Variants in FSCN1 observed in about 807,000 individuals in gnomAD.
The protein encoded by FSCN1 is fascin.
In FSCN1, 10 loss-of-function variants were observed where a neutral mutation model predicts 39.7. The ratio of observed to expected loss-of-function variants is 0.25; its 90% CI spans 0.16 to 0.43. The LOEUF is 0.43. Among genes scored for constraint, FSCN1 ranks in the 20% least tolerant of loss-of-function variants. The pLI, the probability that FSCN1 is intolerant of heterozygous loss-of-function variation, is 1.00. For missense variants in FSCN1, 525 were observed against 723.8 expected (o/e 0.73, Z 3.15); for synonymous variants, 322 against 320.0 (o/e 1.01, Z -0.07).
intron 4 of FSCN1, among the ~76,000 whole-genome samples, chr7:5,604,482 TTTG>T (rs1309867671): frequency 6.7e-6 from 1 of 148,928 alleles, no homozygotes; most frequent in Admixed American, 6.7e-5. Context: ...GGTTTTTTTG[TTTG>T]TTTTTTTGAG....
In FSCN1 at chr7:5,605,545, C is replaced by T. The variant is rs1785918811; in HGVS notation, c.*71C>T. Reference sequence around the variant, plus strand: ...CAACCCTCCCTGCTAACCCCTTCTCCGCCAGGTGGGCTCCAGGGCGGGAGG... The same window carrying T: ...CAACCCTCCCTGCTAACCCCTTCTCTGCCAGGTGGGCTCCAGGGCGGGAGG... On this transcript the variant is annotated 3_prime_UTR_variant, in exon 5 of 5. Coordinates refer to ENST00000382361, the MANE Select transcript of FSCN1 (RefSeq NM_003088.4). The surrounding 1 kb of genome is among the most constrained non-coding windows in gnomAD (Gnocchi z 6.9). The T allele has an allele frequency of 5.1e-6, 6 of 1,179,050 alleles. No homozygotes were observed. Among genetic ancestry groups the T allele is most frequent in the South Asian group, 3.1e-5 (2 of 65,096 alleles). 73.0% of individuals were successfully genotyped at this position (1,179,050 alleles called of 1,614,324 possible).
At position 5,605,055 on chromosome 7, in the gene FSCN1, G is replaced by T. The variant is rs150131269; in HGVS notation, c.1280-217G>T. Among the ~76,000 whole-genome samples, 3 of 152,212 alleles carry T rather than the reference G, an allele frequency of 2.0e-5. No homozygotes were observed. The highest frequency in any genetic ancestry group is 2.9e-5 in the Non-Finnish European group (2 of 68,044). ...CCCAAAGTGCTGGGATTACAGGCGT[G>T]AGCCACTGCGGCCGAGCAGAACACG... On this transcript the variant is annotated intron_variant, in intron 4 of 4. Coordinates refer to ENST00000382361, the MANE Select transcript of FSCN1 (RefSeq NM_003088.4). The surrounding 1 kb of genome is among the most constrained non-coding windows in gnomAD (Gnocchi z 6.9).
rs1209407951 is a variant in FSCN1, at chr7:5,599,370, G to T, written c.833-3887G>T. ...AAGAGGGCCACCCACCTCCGGTCCA[G>T]AGAGCCAGCCAGACCCTTACTTTCT... On this transcript the variant is annotated intron_variant, in intron 1 of 4. Transcript: ENST00000382361. This position sits in a 1 kb window ranked among gnomAD's most constrained non-coding sequence, Gnocchi z 5.6. 3.3e-5 allele frequency among the ~76,000 whole-genome samples: 5 copies of T among 152,208 alleles called. No individual in the cohort carries two copies. The highest frequency in any genetic ancestry group is 6.5e-5 in the Admixed American group (1 of 15,276).
intron 1 of FSCN1, among the ~76,000 whole-genome samples, chr7:5,601,465 AGT>A (rs1266614065): frequency 6.6e-6 from 1 of 152,022 alleles, no homozygotes; most frequent in African/African-American, 2.4e-5. Context: ...AGCTTCCCAA[AGT>A]GCTGGGATTA....
chr7:5,605,393 G>C lies in FSCN1; in HGVS notation c.1401G>C (p.Gly467=). ...DYNKVAIKVG[G]RYLKGDHAGV... is the part of the protein sequence containing the mutation. Reference sequence around the variant, plus strand: ...ACAAGGTGGCCATCAAGGTGGGCGGGCGCTACCTGAAGGGCGACCACGCAG... The same window carrying C: ...ACAAGGTGGCCATCAAGGTGGGCGGCCGCTACCTGAAGGGCGACCACGCAG... The change falls in exon 5 of 5, where the codon GGG becomes GGC. Residue 467 remains glycine, a synonymous_variant. Transcript: ENST00000382361. The surrounding 1 kb of genome is among the most constrained non-coding windows in gnomAD (Gnocchi z 6.9). 6.2e-7 allele frequency: 1 copy of C among 1,613,568 alleles called. No homozygotes were observed. The highest frequency in any genetic ancestry group is 8.5e-7 in the Non-Finnish European group (1 of 1,179,814).
intron 1 of FSCN1, among the ~76,000 whole-genome samples, chr7:5,595,598 G>T (rs1183827332): frequency 6.6e-6 from 1 of 152,198 alleles, no homozygotes. Flanking sequence ...TGAATAGAAG[G>T]TGGCAGGTAT....
intron 1 of FSCN1, among the ~76,000 whole-genome samples, chr7:5,594,297 C>T (rs1785689762): frequency 2.0e-5 from 3 of 151,822 alleles, no homozygotes; most frequent in East Asian, 1.9e-4. Context: ...CGCGCCTCCA[C>T]CTCCCCGTCT....
chr7:5,603,242 G>T lies in FSCN1; in HGVS notation c.833-15G>T. On this transcript the variant is annotated splice_polypyrimidine_tract_variant and intron_variant, in intron 1 of 4. Transcript: ENST00000382361. The surrounding 1 kb of genome is among the most constrained non-coding windows in gnomAD (Gnocchi z 8.5). ...CGTGGGGCCCCAGTACCAGCCCAAG[G>T]CCTCCTCTCTGCAGGTATGGACCTG... The T allele has an allele frequency of 6.2e-7, 1 of 1,611,292 alleles. No homozygotes were observed. The highest frequency in any genetic ancestry group is 8.5e-7 in the Non-Finnish European group (1 of 1,179,828).
chr7:5,604,211 C>T (rs1268606141), intron 4 of FSCN1, among the ~76,000 whole-genome samples, 181 bp downstream of exon 4: 3 of 152,076 alleles, frequency 2.0e-5, no homozygotes, highest in Admixed American at 1.3e-4. Context: ...CAGCCCCTTT[C>T]CCTCTTGTCT....
chr7:5,595,735 AC>A (rs1785718766), intron 1 of FSCN1, among the ~76,000 whole-genome samples: 2 of 152,024 alleles, frequency 1.3e-5, no homozygotes, highest in South Asian at 4.1e-4. Context: ...GGGCCACGGG[AC>A]CTTGGGTGAG....
chr7:5,603,831 G>T lies in FSCN1; in HGVS notation c.1112-32G>T. On this transcript the variant is annotated intron_variant, in intron 3 of 4. Transcript: ENST00000382361. The surrounding 1 kb of genome is among the most constrained non-coding windows in gnomAD (Gnocchi z 8.5). ...CAGCCTCCACCCCACTCCCTGCCAG[G>T]AGGCTCACTGACTCCCCTCTTTCTG... 1 of 1,604,038 alleles carries T rather than the reference G, an allele frequency of 6.2e-7. No homozygotes were observed. The highest frequency in any genetic ancestry group is 1.1e-5 in the South Asian group (1 of 90,474).
chr7:5,603,772 AC>A lies in FSCN1; in HGVS notation c.1112-87del. 1 of 1,491,578 alleles carries A rather than the reference AC, an allele frequency of 6.7e-7. No homozygotes were observed. Among genetic ancestry groups the A allele is most frequent in the African/African-American group, 1.4e-5 (1 of 72,428 alleles). The allele number at this position is 1,491,578 out of a possible 1,614,324, so 92.4% of individuals were successfully genotyped here. On this transcript the variant is annotated intron_variant, in intron 3 of 4. Transcript: ENST00000382361. The surrounding 1 kb of genome is among the most constrained non-coding windows in gnomAD (Gnocchi z 8.5). Reference sequence around the variant, plus strand: ...GTCCTACCCTGGGGACTGCTGTGTGACCCCAGCTCCTGGCCCTCCCTCTCTG... The same window carrying A: ...GTCCTACCCTGGGGACTGCTGTGTGACCCAGCTCCTGGCCCTCCCTCTCTG...
At chr7:5,597,772 C>T (rs1444514651) in intron 1 of FSCN1, among the ~76,000 whole-genome samples, 24 of 150,106 alleles carry the variant, frequency 1.6e-4, no homozygotes, top group Non-Finnish European at 3.3e-4. Flanking sequence ...GAGAGGATGG[C>T]TCAAAGGCTG....
Position 5,603,966 on chromosome 7 carries a change from C to T in FSCN1, c.1215C>T (p.Asp405=), listed in dbSNP as rs1469285427. The stretch of plus-strand genomic sequence containing the variant: ...GCCGCAAGGTCACGGGCACCCTGGA[C>T]GCCAACCGCTCCAGCTATGACGTCT... The part of the protein sequence containing the change: ...IGCRKVTGTL[D]ANRSSYDVFQ... Residue 405 remains aspartate (D), a synonymous_variant, in exon 4 of 5, where the codon GAC becomes GAT. Coordinates refer to ENST00000382361, the MANE Select transcript of FSCN1 (RefSeq NM_003088.4). This position sits in a 1 kb window ranked among gnomAD's most constrained non-coding sequence, Gnocchi z 8.5. The T allele has an allele frequency of 1.7e-5, 27 of 1,613,876 alleles. No homozygotes were observed. Among genetic ancestry groups the T allele is most frequent in the African/African-American group, 6.7e-5 (5 of 74,946 alleles).
intron 1 of FSCN1, chr7:5,594,063 T>G: frequency 3.8e-6 from 1 of 260,984 alleles, no homozygotes. Context: ...CCCCGCCCAA[T>G]CTTGGCTCTC....
At chr7:5,593,848 T>A in intron 1 of FSCN1, 80 bp downstream of exon 1, 1 of 993,730 alleles carries the variant, frequency 1.0e-6, no homozygotes, top group Non-Finnish European at 1.4e-6. Flanking sequence ...CCTCCCGCCC[T>A]TTCTCGCTCG....
Position 5,599,960 on chromosome 7 carries a change from C to G in FSCN1, c.833-3297C>G, listed in dbSNP as rs948949388. 8.5e-5 allele frequency among the ~76,000 whole-genome samples: 13 copies of G among 152,228 alleles called. No individual in the cohort carries two copies. The highest frequency in any genetic ancestry group is 1.8e-4 in the Non-Finnish European group (12 of 68,038). ...AGACACTCTCCAGCTCTGAGCCAGG[C>G]ACCCATACAGAGCCCGGCAGACGCC... is the stretch of plus-strand genomic sequence containing the variant. On this transcript the variant is annotated intron_variant, in intron 1 of 4. Coordinates refer to ENST00000382361, the MANE Select transcript of FSCN1 (RefSeq NM_003088.4). This position sits in a 1 kb window ranked among gnomAD's most constrained non-coding sequence, Gnocchi z 5.6.
chr7:5,603,791 C>A lies in FSCN1; in HGVS notation c.1112-72C>A. ...TGTGTGACCCCAGCTCCTGGCCCTCCCTCTCTGGTCACCCCAGCCTCCACC... is the reference window on the plus strand; with the variant it reads ...TGTGTGACCCCAGCTCCTGGCCCTCACTCTCTGGTCACCCCAGCCTCCACC... On this transcript the variant is annotated intron_variant, in intron 3 of 4. Coordinates refer to ENST00000382361, the MANE Select transcript of FSCN1 (RefSeq NM_003088.4). The surrounding 1 kb of genome is among the most constrained non-coding windows in gnomAD (Gnocchi z 8.5). The A allele has an allele frequency of 6.5e-7, 1 of 1,530,610 alleles. No individual in the cohort carries two copies. Among genetic ancestry groups the A allele is most frequent in the Non-Finnish European group, 8.9e-7 (1 of 1,117,336 alleles). 94.8% of individuals were successfully genotyped at this position (1,530,610 alleles called of 1,614,324 possible).
intron 1 of FSCN1, among the ~76,000 whole-genome samples, chr7:5,596,954 G>C (rs1785740613): frequency 6.6e-6 from 1 of 152,188 alleles, no homozygotes; most frequent in Non-Finnish European, 1.5e-5. Context: ...TTTTGAACAA[G>C]CCAGGGGCAT....
Sources: gnomAD v4.1 joint callset for allele counts (sites outside exome capture counted in the v4.1 genomes callset) on GRCh38, gnomAD v4.1.1 for gene constraint, Gnocchi (gnomAD v3.1) non-coding constraint, MANE v1.5 for transcripts, NCBI Gene and HGNC (gene_info 2026-07-23, HGNC 2026-07-21) for gene names.